The following CYRIA variants were observed in gnomAD, a reference collection of about 807,000 sequenced individuals.
CYRIA encodes the protein CYFIP related Rac1 interactor A, also known as CYFIP-related Rac1 interactor A.
In CYRIA, 15 loss-of-function variants were observed where a neutral mutation model predicts 43.9. The observed-to-expected ratio is 0.34, with a 90% confidence interval of 0.23 to 0.53. CYRIA has a LOEUF of 0.53. CYRIA is among the 20% of genes least tolerant of loss of function. CYRIA has a pLI of 0.94. For synonymous variants in CYRIA, 117 were observed against 136.0 expected (o/e 0.86, Z 0.97); for missense variants, 236 against 394.2 (o/e 0.60, Z 3.40).
At chr2:16,641,231 T>C (rs1669667164) in intron 1 of CYRIA, among the ~76,000 whole-genome samples, 1 of 152,126 alleles carries the variant, frequency 6.6e-6, no homozygotes, top group Non-Finnish European at 1.5e-5. Flanking sequence ...GACTAAGAAA[T>C]AAAGCCCAGC....
At chr2:16,617,491 T>C (rs6714664) in intron 2 of CYRIA, among the ~76,000 whole-genome samples, 59,877 of 152,016 alleles carry the variant, frequency 0.39, 11,994 homozygotes, top group African/African-American at 0.45. Flanking sequence ...AAAGACAGGG[T>C]TGGAAGAAGG....
intron 3 of CYRIA, among the ~76,000 whole-genome samples, chr2:16,586,789 C>T (rs750291183): frequency 8.6e-5 from 13 of 151,774 alleles, no homozygotes; most frequent in Middle Eastern, 3.4e-3. Flanking sequence ...TTTTTAATGG[C>T]GATAAAATAT....
chr2:16,559,847 T>A (rs1392941204), intron 9 of CYRIA, among the ~76,000 whole-genome samples: 1 of 152,158 alleles, frequency 6.6e-6, no homozygotes, highest in Non-Finnish European at 1.5e-5. Context: ...GGCTAGCTCA[T>A]CATGTACCTC....
chr2:16,645,950 C>A (rs951857825), intron 1 of CYRIA, among the ~76,000 whole-genome samples: 1 of 152,198 alleles, frequency 6.6e-6, no homozygotes, highest in Non-Finnish European at 1.5e-5. Flanking sequence ...CACGCACACA[C>A]CCACACAAGT....
chr2:16,600,339 C>A (rs60430757), intron 2 of CYRIA, among the ~76,000 whole-genome samples: 16,777 of 152,268 alleles, frequency 0.11, 994 homozygotes, highest in Middle Eastern at 0.16. Context: ...AAGGAAAAAG[C>A]AATGCCTATC....
rs1405592188 is a variant in CYRIA at position 16,551,309 on chromosome 2, G to T, written c.*1627C>A. 1.3e-5 allele frequency: 2 copies of T among 152,136 alleles called. No individual in the cohort carries two copies. The highest frequency in any genetic ancestry group is 3.9e-4 in the East Asian group (2 of 5,180). 9.4% of individuals were successfully genotyped at this position (152,136 alleles called of 1,614,324 possible). A position where few individuals can be genotyped will look rare whatever the true frequency, so the allele number is the denominator to read the frequency against. ...GATGTTGCAAATAATGCCAAACTCT[G>T]ATGTACTCAGACTCAACTTCTAGGA... On this transcript the variant is annotated 3_prime_UTR_variant, in exon 12 of 12. Transcript: ENST00000381323.
In CYRIA at chr2:16,650,155, T is replaced by C. The variant is rs1669934780; in HGVS notation, c.-167+15625A>G. ...CAGTCGTCGCCATCAGCCACTGAGA[T>C]TTGGGGGTTATTTCTGACTGCAGCA... On this transcript the variant is annotated intron_variant, in intron 1 of 11. Transcript: ENST00000381323. The surrounding 1 kb of genome is among the most constrained non-coding windows in gnomAD (Gnocchi z 4.1). 6.6e-6 allele frequency among the ~76,000 whole-genome samples: 1 copy of C among 152,106 alleles called. No homozygotes were observed. Among genetic ancestry groups the C allele is most frequent in the Non-Finnish European group, 1.5e-5 (1 of 68,002 alleles).
chr2:16,659,076 C>A (rs1243016333), intron 1 of CYRIA, among the ~76,000 whole-genome samples: 1 of 152,228 alleles, frequency 6.6e-6, no homozygotes, highest in Non-Finnish European at 1.5e-5. Context: ...CAGCCAAACA[C>A]AGACACACCA....
chr2:16,635,956 C>T (rs892927433), intron 1 of CYRIA, among the ~76,000 whole-genome samples: 8 of 152,036 alleles, frequency 5.3e-5, no homozygotes, highest in African/African-American at 1.7e-4. Context: ...GCAGAAACAG[C>T]GTTGGATAAG....
chr2:16,636,125 G>A (rs1183579786), intron 1 of CYRIA, among the ~76,000 whole-genome samples: 1 of 152,084 alleles, frequency 6.6e-6, no homozygotes, highest in Non-Finnish European at 1.5e-5. Flanking sequence ...GGGGTGAGGT[G>A]TAACCACAGC....
chr2:16,621,875 T>C (rs1415552378), intron 2 of CYRIA, among the ~76,000 whole-genome samples: 1 of 152,200 alleles, frequency 6.6e-6, no homozygotes, highest in Non-Finnish European at 1.5e-5. Context: ...TACATACATG[T>C]TTGCTACTTG....
chr2:16,658,697 C>T (rs1419732845), intron 1 of CYRIA, among the ~76,000 whole-genome samples: 28 of 152,182 alleles, frequency 1.8e-4, no homozygotes, highest in Admixed American at 1.7e-3. Flanking sequence ...TCTTTCCTTT[C>T]CTTTTTTTCT....
chr2:16,573,559 C>G (rs1667216269), intron 3 of CYRIA, among the ~76,000 whole-genome samples: 1 of 152,112 alleles, frequency 6.6e-6, no homozygotes, highest in African/African-American at 2.4e-5. Flanking sequence ...TGGCTGTGTC[C>G]CCACCCAAAT....
chr2:16,661,272 C>G (rs1670246723), intron 1 of CYRIA, among the ~76,000 whole-genome samples: 2 of 152,062 alleles, frequency 1.3e-5, no homozygotes, highest in South Asian at 4.1e-4. Flanking sequence ...AAGACCCTGT[C>G]TCAAAAAAAG....
At chr2:16,587,026 C>G (rs565669766) in intron 3 of CYRIA, among the ~76,000 whole-genome samples, 258 of 152,168 alleles carry the variant, frequency 1.7e-3, no homozygotes, top group African/African-American at 5.9e-3. Context: ...GAAAAAATCC[C>G]TGTCTTTTTT....
chr2:16,561,301 T>C lies in CYRIA; in HGVS notation c.514-24A>G, dbSNP rs370519196. ...AGCTGATGAAAATAAGAAGAGAAGA[T>C]GGATTTATAAAGAGAAAGTCCAAAT... On this transcript the variant is annotated intron_variant, in intron 7 of 11. Coordinates refer to ENST00000381323, the MANE Select transcript of CYRIA (RefSeq NM_030797.4). 8.9e-6 allele frequency: 14 copies of C among 1,566,460 alleles called. No individual in the cohort carries two copies. In the Admixed American group the frequency reaches 1.8e-4, roughly 21 times the overall value.
intron 3 of CYRIA, among the ~76,000 whole-genome samples, chr2:16,566,035 A>T (rs1451471148): frequency 6.6e-6 from 1 of 152,220 alleles, no homozygotes; most frequent in Non-Finnish European, 1.5e-5. Flanking sequence ...TATGTGGAAC[A>T]ATTTTTTTGC....
At chr2:16,622,587 C>T (rs771309645) in intron 2 of CYRIA, among the ~76,000 whole-genome samples, 1 of 152,186 alleles carries the variant, frequency 6.6e-6, no homozygotes, top group Non-Finnish European at 1.5e-5. Flanking sequence ...TGCGTGATCT[C>T]ACTTAATCCT....
At chr2:16,637,828 A>G (rs1669544650) in intron 1 of CYRIA, among the ~76,000 whole-genome samples, 1 of 152,210 alleles carries the variant, frequency 6.6e-6, no homozygotes, top group African/African-American at 2.4e-5. Context: ...TGATGCAGAG[A>G]CAAAGGTCCA....
Sources: allele counts gnomAD v4.1 joint callset (sites outside exome capture counted in the v4.1 genomes callset), GRCh38; gene constraint gnomAD v4.1.1; non-coding constraint Gnocchi (gnomAD v3.1); transcripts MANE v1.5; gene names NCBI Gene and HGNC (gene_info 2026-07-23, HGNC 2026-07-21).